PRKG1: variants seen among roughly 807,000 people sequenced by gnomAD.
PRKG1 encodes protein kinase cGMP-dependent 1, also known as cGMP-dependent protein kinase 1.
PRKG1 carries 35 observed loss-of-function variants against 88.1 expected under a neutral mutation model. The ratio of observed to expected loss-of-function variants is 0.40; its 90% CI spans 0.30 to 0.53. The LOEUF (loss-of-function observed/expected upper bound fraction) is 0.53. PRKG1 is among the 20% of genes least tolerant of loss of function. The probability of loss-of-function intolerance (pLI) is 0.59; values close to 1 mark genes in which losing one functional copy is unlikely to be tolerated. For synonymous variants in PRKG1, 303 were observed against 292.5 expected, an observed-to-expected ratio of 1.04 and a Z score of -0.37; for missense variants, 540 against 839.8, an observed-to-expected ratio of 0.64 and a Z score of 4.41.
chr10:51,472,981 C>T (rs73336255), intron 3 of PRKG1, among the ~76,000 whole-genome samples: 1 of 151,858 alleles, frequency 6.6e-6, no homozygotes, highest in South Asian at 2.1e-4. Context: ...GAAACATGAC[C>T]CTGGTTGTGG....
intron 5 of PRKG1, among the ~76,000 whole-genome samples, chr10:51,932,888 G>GA (rs899798429): frequency 2.7e-4 from 41 of 150,986 alleles, no homozygotes; most frequent in East Asian, 3.9e-4. Context: ...CAGAGTCAGA[G>GA]AAAAAAAAAT....
At chr10:51,048,939 A>G (rs1843524745) in intron 1 of PRKG1, among the ~76,000 whole-genome samples, 1 of 152,018 alleles carries the variant, frequency 6.6e-6, no homozygotes, top group African/African-American at 2.4e-5. Flanking sequence ...GTGGTAACAG[A>G]CAGTCCTAAA....
At chr10:51,715,179 T>G (rs995563790) in intron 3 of PRKG1, among the ~76,000 whole-genome samples, 1 of 152,220 alleles carries the variant, frequency 6.6e-6, no homozygotes, top group African/African-American at 2.4e-5. Flanking sequence ...TTATTTATTG[T>G]TAGACTTTAT....
At chr10:52,157,319 A>ATATATATATG (rs1838144813) in intron 8 of PRKG1, among the ~76,000 whole-genome samples, 1 of 43,764 alleles carries the variant, frequency 2.3e-5, no homozygotes, top group Admixed American at 1.9e-4. Context: ...ATATATATAT[A>ATATATATATG]TATATATATA....
chr10:52,258,967 C>T (rs1841369757), intron 10 of PRKG1, among the ~76,000 whole-genome samples: 1 of 151,800 alleles, frequency 6.6e-6, no homozygotes, highest in African/African-American at 2.4e-5. Flanking sequence ...CCATTCCAGG[C>T]AAGGGTTACA....
upstream of PRKG1, among the ~76,000 whole-genome samples, chr10:51,070,717 T>C (rs1314373838): frequency 1.3e-5 from 2 of 152,180 alleles, no homozygotes; most frequent in Non-Finnish European, 2.9e-5. Flanking sequence ...TGAGAATCCA[T>C]TAAGGAAGGC....
At chr10:51,378,130 A>G (rs974357391) in intron 2 of PRKG1, among the ~76,000 whole-genome samples, 10 of 152,224 alleles carry the variant, frequency 6.6e-5, no homozygotes, top group African/African-American at 2.4e-4. Context: ...CTAGTCTGCA[A>G]GAAGTATGAA....
At chr10:51,785,866 T>C (rs1418661090) in intron 3 of PRKG1, among the ~76,000 whole-genome samples, 4 of 152,296 alleles carry the variant, frequency 2.6e-5, no homozygotes, top group East Asian at 1.9e-4. Flanking sequence ...TCAGCCAATA[T>C]AGATAAATAG....
At chr10:51,791,990 G>T (rs1367652581) in intron 3 of PRKG1, among the ~76,000 whole-genome samples, 1 of 152,136 alleles carries the variant, frequency 6.6e-6, no homozygotes, top group Non-Finnish European at 1.5e-5. Flanking sequence ...TGAATTAAAT[G>T]TAAAGATGAA....
At chr10:52,126,476 C>T (rs1346858033) in intron 7 of PRKG1, among the ~76,000 whole-genome samples, 1 of 151,836 alleles carries the variant, frequency 6.6e-6, no homozygotes, top group African/African-American at 2.4e-5. Context: ...TTTATTTTCC[C>T]CCTTTTTTTG....
chr10:51,279,894 G>A (rs1443842109), intron 2 of PRKG1, among the ~76,000 whole-genome samples: 2 of 152,156 alleles, frequency 1.3e-5, no homozygotes, highest in Admixed American at 6.5e-5. Context: ...ATATTGTTAT[G>A]TGTGAATTTG....
chr10:51,948,130 T>C (rs1843097081), intron 5 of PRKG1, among the ~76,000 whole-genome samples: 1 of 152,202 alleles, frequency 6.6e-6, no homozygotes, highest in South Asian at 2.1e-4. Flanking sequence ...TTAAGATATT[T>C]ATTAAATTAT....
chr10:51,305,915 A>G (rs755039154), intron 2 of PRKG1, among the ~76,000 whole-genome samples: 1 of 152,314 alleles, frequency 6.6e-6, no homozygotes, highest in Non-Finnish European at 1.5e-5. Context: ...AAGAGGTTGA[A>G]TATGTTCAAT....
Position 51,861,749 on chromosome 10 carries a change from A to G in PRKG1, c.699-45758A>G, listed in dbSNP as rs1840878855. ...TGAATAACAAATCATGAAAGTTTTT[A>G]CTCAATTATAAATTTACACAAAAGT... On this transcript the variant is annotated intron_variant, in intron 4 of 17. Coordinates refer to ENST00000373980, the MANE Select transcript of PRKG1 (RefSeq NM_006258.4). Among the ~76,000 whole-genome samples the G allele has an allele frequency of 7.2e-5, 11 of 152,354 alleles. No individual in the cohort carries two copies. The South Asian group carries it at 2.3e-3, about 32-fold the overall frequency.
At chr10:52,259,700 A>T (rs1299481845) in intron 10 of PRKG1, among the ~76,000 whole-genome samples, 1 of 152,042 alleles carries the variant, frequency 6.6e-6, no homozygotes, top group African/African-American at 2.4e-5. Context: ...GAGTGGGGAG[A>T]TCATCACTAC....
chr10:51,023,518 G>C (rs867531927), intron 1 of PRKG1, among the ~76,000 whole-genome samples: 1 of 152,166 alleles, frequency 6.6e-6, no homozygotes, highest in Non-Finnish European at 1.5e-5. Flanking sequence ...CAGAAAACTA[G>C]AAGAAATCGT....
intron 3 of PRKG1, among the ~76,000 whole-genome samples, chr10:51,469,555 G>C (rs930630832): frequency 6.6e-6 from 1 of 151,848 alleles, no homozygotes; most frequent in African/African-American, 2.4e-5. Flanking sequence ...TCTATATAAT[G>C]ATGTTCGTCT....
At chr10:51,315,193 A>G (rs1360892761) in intron 2 of PRKG1, among the ~76,000 whole-genome samples, 2 of 152,214 alleles carry the variant, frequency 1.3e-5, no homozygotes, top group East Asian at 1.9e-4. Context: ...TTGAGATTTC[A>G]TAACATGAGA....
Position 52,136,715 on chromosome 10 carries a change from G to C in PRKG1, c.1001+2810G>C, listed in dbSNP as rs150153982. Among the ~76,000 whole-genome samples the C allele has an allele frequency of 5.9e-5, 9 of 152,164 alleles. No individual in the cohort carries two copies. The East Asian group carries it at 1.7e-3, about 29-fold the overall frequency. ...TGATTTAACATAGGTAAATGTCCATGCACAGCACAATACATGAAGTAAGCA... is the reference window on the plus strand; with the variant it reads ...TGATTTAACATAGGTAAATGTCCATCCACAGCACAATACATGAAGTAAGCA... On this transcript the variant is annotated intron_variant, in intron 8 of 17. Coordinates refer to ENST00000373980, the MANE Select transcript of PRKG1 (RefSeq NM_006258.4).
Sources: allele counts gnomAD v4.1 joint callset (sites outside exome capture counted in the v4.1 genomes callset), GRCh38; gene constraint gnomAD v4.1.1; transcripts MANE v1.5; gene names NCBI Gene and HGNC (gene_info 2026-07-23, HGNC 2026-07-21).